The following CNTN5 variants were observed in gnomAD, a reference collection of about 807,000 sequenced individuals.
CNTN5 encodes the protein contactin-5.
CNTN5 carries 77 observed loss-of-function variants against 129.1 expected under a neutral mutation model. That is an observed-to-expected ratio of 0.60 (90% confidence interval 0.50 to 0.72). The LOEUF (loss-of-function observed/expected upper bound fraction) is 0.72. CNTN5 is among the 30% of genes least tolerant of loss of function. CNTN5 has a pLI of 0.00. For missense variants in CNTN5, 1,478 were observed against 1,328.8 expected, an observed-to-expected ratio of 1.11 and a Z score of -1.75; for synonymous variants, 509 against 465.6, an observed-to-expected ratio of 1.09 and a Z score of -1.20.
chr11:100,311,121 C>G (rs1207644791), intron 21 of CNTN5, among the ~76,000 whole-genome samples: 4 of 151,900 alleles, frequency 2.6e-5, no homozygotes, highest in Non-Finnish European at 5.9e-5. Context: ...AGAGGGGCAG[C>G]TGTTCCAACC....
chr11:99,778,776 AAGTG>A (rs757578654), intron 3 of CNTN5, among the ~76,000 whole-genome samples: 3 of 152,066 alleles, frequency 2.0e-5, no homozygotes, highest in Middle Eastern at 6.8e-3. Context: ...AAGAAATAAA[AAGTG>A]AGTTCAAAAA....
intron 6 of CNTN5, among the ~76,000 whole-genome samples, chr11:99,888,825 G>A (rs1257605409): frequency 1.3e-5 from 2 of 152,218 alleles, no homozygotes; most frequent in East Asian, 1.9e-4. Flanking sequence ...TCTAGTGTAA[G>A]CTGGACCTGA....
Position 100,071,710 on chromosome 11 carries a change from G to A in CNTN5, c.1305G>A (p.Arg435=), listed in dbSNP as rs995784320. The A allele has an allele frequency of 1.3e-5, 20 of 1,579,988 alleles. No homozygotes were observed. The African/African-American group carries it at 2.7e-4, about 21-fold the overall frequency. ...KNGVPLSPQS[R]VEMVNGVLMI... is the part of the protein sequence containing the mutation. Reference sequence around the variant, plus strand: ...TTTTTTTAATTCCATTACAGAGTAGGGTTGAGATGGTTAATGGAGTATTGA... The same window carrying A: ...TTTTTTTAATTCCATTACAGAGTAGAGTTGAGATGGTTAATGGAGTATTGA... Residue 435 remains arginine (R), a synonymous_variant, in exon 12 of 25, where the codon AGG becomes AGA. Transcript: ENST00000524871.
intron 13 of CNTN5, among the ~76,000 whole-genome samples, chr11:100,125,950 C>T (rs949822616): frequency 6.6e-6 from 1 of 151,980 alleles, no homozygotes; most frequent in East Asian, 1.9e-4. Flanking sequence ...GCACTATAAA[C>T]CTTCCTCTTA....
At chr11:99,996,770 G>A (rs1017669978) in intron 8 of CNTN5, among the ~76,000 whole-genome samples, 1 of 152,136 alleles carries the variant, frequency 6.6e-6, no homozygotes, top group South Asian at 2.1e-4. Flanking sequence ...TGAAAGGGAG[G>A]CAAGGTACAT....
At chr11:99,809,539 T>C (rs923433002) in intron 3 of CNTN5, among the ~76,000 whole-genome samples, 1 of 152,154 alleles carries the variant, frequency 6.6e-6, no homozygotes, top group African/African-American at 2.4e-5. Flanking sequence ...CCATCTAGGA[T>C]TCCATTATAT....
chr11:100,053,695 G>A (rs545878980), intron 9 of CNTN5, among the ~76,000 whole-genome samples: 5 of 138,968 alleles, frequency 3.6e-5, no homozygotes, highest in South Asian at 4.5e-4. Flanking sequence ...TTTACTTACC[G>A]TACATTCTAG....
At chr11:99,128,022 T>C (rs1293892686) in intron 1 of CNTN5, among the ~76,000 whole-genome samples, 6 of 152,362 alleles carry the variant, frequency 3.9e-5, no homozygotes, top group Admixed American at 3.9e-4. Flanking sequence ...GTAATATAAA[T>C]GGTTGATAAT....
chr11:99,627,259 T>G (rs1802884404), intron 3 of CNTN5, among the ~76,000 whole-genome samples: 1 of 152,120 alleles, frequency 6.6e-6, no homozygotes, highest in Non-Finnish European at 1.5e-5. Context: ...TCCAACAGTT[T>G]TTAAAGCCTC....
chr11:99,970,471 G>A (rs776441011), intron 8 of CNTN5, among the ~76,000 whole-genome samples: 4 of 152,074 alleles, frequency 2.6e-5, no homozygotes, highest in Admixed American at 6.6e-5. Context: ...TTAGACAACC[G>A]ACTTTACCTG....
At chr11:99,835,528 A>G (rs980168721) in intron 4 of CNTN5, among the ~76,000 whole-genome samples, 3 of 152,180 alleles carry the variant, frequency 2.0e-5, no homozygotes, top group Non-Finnish European at 4.4e-5. Flanking sequence ...TAATTACATG[A>G]GTCTATAGTG....
intron 21 of CNTN5, among the ~76,000 whole-genome samples, chr11:100,339,413 T>C (rs1190109571): frequency 2.6e-5 from 4 of 151,990 alleles, no homozygotes; most frequent in African/African-American, 9.7e-5. Context: ...AGTTAGGCTA[T>C]CTCTCCTCTG....
At chr11:99,209,947 A>G (rs1407510586) in intron 1 of CNTN5, among the ~76,000 whole-genome samples, 2 of 152,186 alleles carry the variant, frequency 1.3e-5, no homozygotes, top group Admixed American at 6.5e-5. Context: ...TTATGAAAAC[A>G]ACGAAAACAA....
rs1248474986 is a variant in CNTN5, at chr11:99,981,099, TATATAC to T, written c.878-20933_878-20928del. Among the ~76,000 whole-genome samples the T allele has an allele frequency of 8.5e-3, 508 of 59,758 alleles. 15 individuals carry two copies. Among genetic ancestry groups the T allele is most frequent in the Non-Finnish European group, 0.013 (383 of 29,492 alleles). The allele number at this position is 59,758 out of a possible 152,430, so 39.2% of individuals were successfully genotyped here. On this transcript the variant is annotated intron_variant, in intron 8 of 24. Coordinates refer to ENST00000524871, the MANE Select transcript of CNTN5 (RefSeq NM_014361.4). ...TAGGATATATATATATATATATATATATATACACACACACACACATATATGAAAGAG... is the reference window on the plus strand; with the variant it reads ...TAGGATATATATATATATATATATATACACACACACACATATATGAAAGAG...
intron 21 of CNTN5, chr11:100,337,295 C>A: frequency 8.9e-7 from 1 of 1,122,720 alleles, no homozygotes; most frequent in Non-Finnish European, 1.4e-6. Flanking sequence ...ATAAATCATG[C>A]TCCTGGAGGA....
intron 21 of CNTN5, among the ~76,000 whole-genome samples, chr11:100,325,005 C>A (rs1220937571): frequency 6.6e-6 from 1 of 152,020 alleles, no homozygotes; most frequent in East Asian, 1.9e-4. Flanking sequence ...TTGTGAATAG[C>A]CAATTTAATA....
chr11:100,225,314 C>T (rs981131221), intron 16 of CNTN5: 7 of 152,534 alleles, frequency 4.6e-5, no homozygotes, highest in African/African-American at 1.4e-4. Context: ...CATACAACCT[C>T]TCTATGCAGA....
At chr11:100,254,554 C>T (rs7122584) in intron 16 of CNTN5, among the ~76,000 whole-genome samples, 8,487 of 152,094 alleles carry the variant, frequency 0.056, 797 homozygotes, top group African/African-American at 0.19. Flanking sequence ...TCTCTTGCAT[C>T]TGCTGGTGGT....
chr11:99,290,929 CTG>C (rs1486014823), intron 1 of CNTN5, among the ~76,000 whole-genome samples: 1 of 151,788 alleles, frequency 6.6e-6, no homozygotes, highest in African/African-American at 2.4e-5. Context: ...TATAGCATAA[CTG>C]TACTGTACTT....
Sources: allele counts gnomAD v4.1 joint callset (sites outside exome capture counted in the v4.1 genomes callset), GRCh38; gene constraint gnomAD v4.1.1; transcripts MANE v1.5; gene names NCBI Gene and HGNC (gene_info 2026-07-23, HGNC 2026-07-21).